The following ASTN1 variants were observed in gnomAD, a reference collection of about 807,000 sequenced individuals.
ASTN1 encodes the protein astrotactin-1.
Under a neutral mutation model 140.7 loss-of-function variants are expected in ASTN1, and 41 were observed. The observed-to-expected ratio is 0.29, with a 90% CI of 0.23 to 0.38. The LOEUF (loss-of-function observed/expected upper bound fraction) is 0.38. ASTN1 is among the 10% of genes least tolerant of loss of function. The probability of loss-of-function intolerance (pLI) is 1.00; values close to 1 mark genes in which losing one functional copy is unlikely to be tolerated. For missense variants in ASTN1, 1,479 were observed against 1,678.8 expected (o/e 0.88, Z 2.08); for synonymous variants, 640 against 652.2 (o/e 0.98, Z 0.29).
intron 8 of ASTN1, among the ~76,000 whole-genome samples, chr1:176,980,735 C>T (rs1179997455): frequency 1.3e-5 from 2 of 151,946 alleles, no homozygotes; most frequent in Non-Finnish European, 2.9e-5. Flanking sequence ...GGTTCAAATG[C>T]TAAAAGGTGG....
intron 1 of ASTN1, among the ~76,000 whole-genome samples, chr1:177,112,182 T>C (rs887682902): frequency 6.6e-6 from 1 of 152,256 alleles, no homozygotes; most frequent in Non-Finnish European, 1.5e-5. Flanking sequence ...CAAATTGCTC[T>C]GGCTACTGTT....
intron 1 of ASTN1, among the ~76,000 whole-genome samples, chr1:177,159,059 T>C (rs1243437623): frequency 8.4e-6 from 1 of 119,482 alleles, no homozygotes; most frequent in Non-Finnish European, 1.6e-5. Flanking sequence ...AAAGCGAGGA[T>C]CCATCTCAAA....
chr1:177,026,011 A>G (rs554459254), intron 5 of ASTN1, among the ~76,000 whole-genome samples: 1 of 152,322 alleles, frequency 6.6e-6, no homozygotes, highest in South Asian at 2.1e-4. Context: ...TTCAGGACAC[A>G]GGAACAATGC....
downstream of ASTN1, among the ~76,000 whole-genome samples, chr1:176,858,666 C>T (rs1260588444): frequency 6.6e-6 from 1 of 152,132 alleles, no homozygotes; most frequent in East Asian, 1.9e-4. Context: ...ACTAAACAAA[C>T]AAGAATAGAC....
At chr1:176,866,823 C>T (rs1019095304) in intron 22 of ASTN1, among the ~76,000 whole-genome samples, 1 of 152,162 alleles carries the variant, frequency 6.6e-6, no homozygotes, top group Non-Finnish European at 1.5e-5. Context: ...AGGGAATCCT[C>T]TGTTTGCTCA....
chr1:176,863,394 G>A lies in ASTN1; in HGVS notation c.*890C>T. 12 of 985,780 alleles carry A rather than the reference G, an allele frequency of 1.2e-5. No individual in the cohort carries two copies. Among genetic ancestry groups the A allele is most frequent in the Non-Finnish European group, 1.2e-5 (10 of 829,898 alleles). 61.1% of individuals were successfully genotyped at this position (985,780 alleles called of 1,614,324 possible). On this transcript the variant is annotated 3_prime_UTR_variant, in exon 23 of 23. Coordinates refer to ENST00000361833, the MANE Select transcript of ASTN1 (RefSeq NM_004319.3). ...AGGTGTGGGGGTTAAAGATAATCCAGGCACATGGATATATATTGGTAGGCT... is the reference window on the plus strand; with the variant it reads ...AGGTGTGGGGGTTAAAGATAATCCAAGCACATGGATATATATTGGTAGGCT...
chr1:176,942,491 C>T (rs1377189426), intron 14 of ASTN1, among the ~76,000 whole-genome samples: 1 of 151,932 alleles, frequency 6.6e-6, no homozygotes, highest in African/African-American at 2.4e-5. Flanking sequence ...TGAACTCATT[C>T]TTCAGAAAAG....
chr1:177,142,500 G>C (rs1179138837), intron 1 of ASTN1, among the ~76,000 whole-genome samples: 1 of 152,088 alleles, frequency 6.6e-6, no homozygotes, highest in Non-Finnish European at 1.5e-5. Context: ...AGACAACGTG[G>C]AGTAGTTTGG....
chr1:176,962,094 C>A (rs889897731), intron 9 of ASTN1, among the ~76,000 whole-genome samples: 1 of 152,330 alleles, frequency 6.6e-6, no homozygotes, highest in Admixed American at 6.5e-5. Context: ...TCAGAGCAGG[C>A]TATTCCAGGA....
At chr1:177,084,179 C>T (rs1679314332) in intron 1 of ASTN1, among the ~76,000 whole-genome samples, 1 of 152,168 alleles carries the variant, frequency 6.6e-6, no homozygotes, top group Admixed American at 6.5e-5. Flanking sequence ...CAGAGCCATA[C>T]TTCCAAAACT....
chr1:176,897,323 C>T (rs961667270), intron 16 of ASTN1, among the ~76,000 whole-genome samples: 2 of 151,228 alleles, frequency 1.3e-5, no homozygotes, highest in Non-Finnish European at 2.9e-5. Context: ...CCCGGCCCCC[C>T]CACCAAAAAA....
At chr1:177,099,294 A>G (rs1471826256) in intron 1 of ASTN1, among the ~76,000 whole-genome samples, 3 of 152,184 alleles carry the variant, frequency 2.0e-5, no homozygotes, top group African/African-American at 4.8e-5. Context: ...AAAAACAAAT[A>G]CATCAATACA....
At chr1:177,031,164 T>C (rs981552468) in intron 3 of ASTN1, among the ~76,000 whole-genome samples, 1 of 152,218 alleles carries the variant, frequency 6.6e-6, no homozygotes, top group Admixed American at 6.5e-5. Context: ...GTCAGGGAAC[T>C]ACAACTGAAA....
At position 176,868,935 on chromosome 1, in the gene ASTN1, G is replaced by A. The variant is rs2103012360; in HGVS notation, c.3556C>T (p.Pro1186Ser). ...TGGTAGAGGACCCGGTGTAAGGTGG[G>A]GGAACCCAGATCCAGGAGGGTGTTG... ...AYNTLLDLGS[P>S]TLHRVLYHYN... Residue 1186 changes from proline to serine, a missense_variant, in exon 22 of 23, where the codon CCC becomes TCC. This residue lies in a region of ASTN1 where 746 missense variants were observed against 800.9 expected (regional missense o/e 0.93). Coordinates refer to ENST00000361833, the MANE Select transcript of ASTN1 (RefSeq NM_004319.3). The A allele has an allele frequency of 6.2e-7, 1 of 1,612,614 alleles. No individual in the cohort carries two copies. The highest frequency in any genetic ancestry group is 1.1e-5 in the South Asian group (1 of 90,828).
At chr1:177,090,343 A>G (rs528208209) in intron 1 of ASTN1, among the ~76,000 whole-genome samples, 1 of 152,196 alleles carries the variant, frequency 6.6e-6, no homozygotes, top group Non-Finnish European at 1.5e-5. Flanking sequence ...AGACATAGCT[A>G]TAGCTTTACA....
intron 1 of ASTN1, among the ~76,000 whole-genome samples, chr1:177,112,788 G>T (rs771895708): frequency 6.6e-6 from 1 of 152,092 alleles, no homozygotes. Flanking sequence ...ACAGTCCCTG[G>T]TAGCCCAGAA....
intron 16 of ASTN1, among the ~76,000 whole-genome samples, chr1:176,925,155 G>A (rs1201193482): frequency 1.3e-5 from 2 of 152,108 alleles, no homozygotes; most frequent in Non-Finnish European, 2.9e-5. Flanking sequence ...TCAAAGAAAA[G>A]CCTTGGTCCA....
At chr1:176,898,623 G>T (rs1311008262) in intron 16 of ASTN1, among the ~76,000 whole-genome samples, 1 of 152,174 alleles carries the variant, frequency 6.6e-6, no homozygotes, top group South Asian at 2.1e-4. Context: ...GGTCCTAAAA[G>T]CTTCAGGAGA....
At chr1:177,034,368 C>T (rs181533646) in intron 2 of ASTN1, among the ~76,000 whole-genome samples, 1 of 152,094 alleles carries the variant, frequency 6.6e-6, no homozygotes. Context: ...TATCATGTGG[C>T]TTGTTGGGGA....
Sources: allele counts gnomAD v4.1 joint callset (sites outside exome capture counted in the v4.1 genomes callset), GRCh38; gene constraint gnomAD v4.1.1; regional missense constraint gnomAD v4.1.1; transcripts MANE v1.5; gene names NCBI Gene and HGNC (gene_info 2026-07-23, HGNC 2026-07-21).